The following NAV2 variants were observed in gnomAD, a reference collection of about 807,000 sequenced individuals.
NAV2 encodes neuron navigator 2.
NAV2 carries 54 observed loss-of-function variants against 223.2 expected under a neutral mutation model. That is an observed-to-expected ratio of 0.24 (90% CI 0.19 to 0.30). NAV2 has a LOEUF of 0.30. Ranked by LOEUF, NAV2 falls within the 10% of genes least tolerant of loss-of-function variation. NAV2 has a pLI of 1.00. For missense variants in NAV2, 2,806 were observed against 3,147.5 expected, an observed-to-expected ratio of 0.89 and a Z score of 2.60; for synonymous variants, 1,279 against 1,239.3, an observed-to-expected ratio of 1.03 and a Z score of -0.67.
intron 7 of NAV2, among the ~76,000 whole-genome samples, chr11:19,939,262 G>C (rs918000235): frequency 3.3e-5 from 5 of 152,082 alleles, no homozygotes; most frequent in African/African-American, 7.2e-5. Flanking sequence ...GCTGTTAATA[G>C]AGTCATCTTT....
rs115421627 is a variant in NAV2 at position 19,892,196 on chromosome 11, C to G, written c.771-238C>G. ...GTATTTTTAATCCACAAACATATTTCTTCATCAAAATTTTTCTCTCTGCTC... is the reference window on the plus strand; with the variant it reads ...GTATTTTTAATCCACAAACATATTTGTTCATCAAAATTTTTCTCTCTGCTC... On this transcript the variant is annotated intron_variant, in intron 5 of 37. Coordinates refer to ENST00000349880, the MANE Select transcript of NAV2 (RefSeq NM_145117.5). Among the ~76,000 whole-genome samples the G allele has an allele frequency of 6.1e-3, 929 of 152,324 alleles. 7 individuals carry two copies. Among genetic ancestry groups the G allele is most frequent in the African/African-American group, 0.021 (870 of 41,580 alleles).
chr11:19,834,070 C>T (rs1417602001), intron 2 of NAV2, among the ~76,000 whole-genome samples: 1 of 152,220 alleles, frequency 6.6e-6, no homozygotes, highest in Non-Finnish European at 1.5e-5. Context: ...TCACAGGTCC[C>T]TACACTCAAA....
intron 1 of NAV2, among the ~76,000 whole-genome samples, chr11:19,525,981 C>T (rs1233183420): frequency 1.3e-5 from 2 of 152,118 alleles, no homozygotes; most frequent in Admixed American, 1.3e-4. Flanking sequence ...TGATAATGTT[C>T]CCCGCCTCCC....
intron 1 of NAV2, among the ~76,000 whole-genome samples, chr11:19,362,344 A>C (rs1179931781): frequency 6.6e-6 from 1 of 152,022 alleles, no homozygotes; most frequent in Non-Finnish European, 1.5e-5. Context: ...TATTATTACC[A>C]CCTTATGTGT....
chr11:19,485,985 C>CCAGCAG (rs1165039565), intron 1 of NAV2, among the ~76,000 whole-genome samples: 1 of 152,170 alleles, frequency 6.6e-6, no homozygotes, highest in Non-Finnish European at 1.5e-5. Flanking sequence ...CTCCACCATG[C>CCAGCAG]ACCCTCCACC....
At chr11:19,752,415 T>C (rs575429429) in intron 1 of NAV2, among the ~76,000 whole-genome samples, 1 of 152,190 alleles carries the variant, frequency 6.6e-6, no homozygotes, top group Non-Finnish European at 1.5e-5. Flanking sequence ...CTCAACTTCC[T>C]TTCTCATTTC....
Position 19,879,966 on chromosome 11 carries a change from C to T in NAV2, c.609C>T (p.Ser203=). Residue 203 remains serine, a synonymous_variant, in exon 5 of 38, where the codon TCC becomes TCT. Coordinates refer to ENST00000349880, the MANE Select transcript of NAV2 (RefSeq NM_145117.5). ...QQQQPQKQHL[S]SPLPPAVSQV... is the part of the protein sequence containing the mutation. ...AGCAGCCCCAGAAGCAGCACCTCTCCTCACCTCTGCCGCCCGCCGTATCCC... is the reference window on the plus strand; with the variant it reads ...AGCAGCCCCAGAAGCAGCACCTCTCTTCACCTCTGCCGCCCGCCGTATCCC... 6.2e-7 allele frequency: 1 copy of T among 1,613,318 alleles called. No homozygotes were observed. The highest frequency in any genetic ancestry group is 8.5e-7 in the Non-Finnish European group (1 of 1,179,786).
In NAV2 at chr11:19,641,692, C is replaced by T. The variant is rs190854223; in HGVS notation, c.76-190792C>T. Reference sequence around the variant, plus strand: ...CTCCTTCTCTTTGAAACACAGTTCCCGCTGCTCTTCCTATGGTGACTCTTT... The same window carrying T: ...CTCCTTCTCTTTGAAACACAGTTCCTGCTGCTCTTCCTATGGTGACTCTTT... On this transcript the variant is annotated intron_variant, in intron 1 of 37. Coordinates refer to the NAV2 transcript ENST00000360655. 5.3e-5 allele frequency among the ~76,000 whole-genome samples: 8 copies of T among 151,940 alleles called. No homozygotes were observed. In the East Asian group the frequency reaches 1.2e-3, roughly 22 times the overall value.
chr11:20,034,624 C>T (rs1236987025), intron 11 of NAV2, among the ~76,000 whole-genome samples: 1 of 152,174 alleles, frequency 6.6e-6, no homozygotes, highest in Non-Finnish European at 1.5e-5. Context: ...TCAGGTGATC[C>T]ACCCGCCTTG....
intron 7 of NAV2, among the ~76,000 whole-genome samples, chr11:19,937,066 A>C (rs1406330610): frequency 6.6e-6 from 1 of 152,172 alleles, no homozygotes; most frequent in Non-Finnish European, 1.5e-5. Flanking sequence ...TGAACCTGGG[A>C]AGCGGAGGTT....
At chr11:19,820,842 G>C (rs188854903) in intron 1 of NAV2, among the ~76,000 whole-genome samples, 2 of 152,304 alleles carry the variant, frequency 1.3e-5, no homozygotes, top group East Asian at 3.9e-4. Flanking sequence ...TGAGATCACA[G>C]GTACAAAACA....
chr11:19,519,771 C>T (rs1000888902), intron 1 of NAV2: 8 of 152,092 alleles, frequency 5.3e-5, no homozygotes, highest in African/African-American at 1.9e-4. Context: ...TGTCCTTTAG[C>T]AAAGAGCTCC....
exon 1 of NAV2, chr11:19,350,751 C>T (rs555493182): frequency 3.4e-6 from 2 of 589,664 alleles, no homozygotes; most frequent in South Asian, 1.9e-5. Context: ...CAGTCACCCT[C>T]ATTGCAAAGG....
intron 35 of NAV2, 54 bp downstream of exon 35, chr11:20,105,781 C>T: frequency 7.0e-7 from 1 of 1,421,364 alleles, no homozygotes; most frequent in South Asian, 1.2e-5. Context: ...GGTGCCCATC[C>T]TCTGGGCCCT....
intron 11 of NAV2, among the ~76,000 whole-genome samples, chr11:20,009,296 G>A (rs557824177): frequency 1.1e-4 from 16 of 152,190 alleles, no homozygotes; most frequent in African/African-American, 2.9e-4. Flanking sequence ...AGTTGTGAGC[G>A]TCTAGAGTAA....
Position 19,833,157 on chromosome 11 carries a change from G to A in NAV2, c.385+556G>A, listed in dbSNP as rs749322561. Among the ~76,000 whole-genome samples the A allele has an allele frequency of 2.6e-4, 39 of 152,298 alleles. 2 individuals carry two copies. Among genetic ancestry groups the A allele is most frequent in the Non-Finnish European group, 4.0e-4 (27 of 68,030 alleles). ...GAGAGAGTTCCTCCAGTGAAGGCAC[G>A]TGGGTGGATACTGGCCACAGCTTTG... is the stretch of plus-strand genomic sequence containing the variant. On this transcript the variant is annotated intron_variant, in intron 2 of 37. Coordinates refer to ENST00000349880, the MANE Select transcript of NAV2 (RefSeq NM_145117.5).
intron 7 of NAV2, among the ~76,000 whole-genome samples, chr11:19,935,856 T>TTTTTTTTTTTTTTG (rs2045823666): frequency 1.0e-5 from 1 of 98,124 alleles, no homozygotes; most frequent in Non-Finnish European, 2.2e-5. Flanking sequence ...TTTCTGTTTT[T>TTTTTTTTTTTTTTG]TTTTTTTTTT....
chr11:19,712,786 C>A (rs1351131310), upstream of NAV2, among the ~76,000 whole-genome samples: 1 of 151,642 alleles, frequency 6.6e-6, no homozygotes, highest in Non-Finnish European at 1.5e-5. Context: ...ATGGGCGCGC[C>A]GGGGCGGCCC....
At chr11:20,033,507 A>G (rs1233763950) in intron 11 of NAV2, among the ~76,000 whole-genome samples, 4 of 152,214 alleles carry the variant, frequency 2.6e-5, no homozygotes, top group African/African-American at 7.2e-5. Flanking sequence ...AGGGCTGGGC[A>G]CAAGAAGTAG....
Sources: allele counts gnomAD v4.1 joint callset (sites outside exome capture counted in the v4.1 genomes callset), GRCh38; gene constraint gnomAD v4.1.1; transcripts MANE v1.5; gene names NCBI Gene and HGNC (gene_info 2026-07-23, HGNC 2026-07-21).